Variants in TMEM201 observed in about 807,000 individuals in gnomAD.
The protein encoded by TMEM201 is RP13-15M17.2.
A neutral mutation model predicts 63.4 loss-of-function variants in TMEM201; 26 were observed. That is an observed-to-expected ratio of 0.41 (90% CI 0.30 to 0.57). TMEM201 has a LOEUF of 0.57. Ranked by LOEUF, TMEM201 falls within the 20% of genes least tolerant of loss-of-function variation. TMEM201 has a pLI of 0.29. For missense variants in TMEM201, 794 were observed against 917.7 expected, an observed-to-expected ratio of 0.87 and a Z score of 1.74; for synonymous variants, 417 against 421.6, an observed-to-expected ratio of 0.99 and a Z score of 0.14.
intron 7 of TMEM201, among the ~76,000 whole-genome samples, chr1:9,609,263 G>T (rs1402504248): frequency 6.6e-6 from 1 of 152,244 alleles, no homozygotes; most frequent in Non-Finnish European, 1.5e-5. Flanking sequence ...AGAGCCCACA[G>T]GTGGCAACAG....
Position 9,608,905 on chromosome 1 carries a change from G to T in TMEM201, c.1394-935G>T, listed in dbSNP as rs1239353739. On this transcript the variant is annotated intron_variant, in intron 7 of 10. Transcript: ENST00000340381. This position sits in a 1 kb window ranked among gnomAD's most constrained non-coding sequence, Gnocchi z 4.3. Reference sequence around the variant, plus strand: ...GGACCCCAGTCTCCATTACCAGAGTGGGTCGGGGGGAGGAGCCCGGTCTCC... The same window carrying T: ...GGACCCCAGTCTCCATTACCAGAGTTGGTCGGGGGGAGGAGCCCGGTCTCC... Among the ~76,000 whole-genome samples, 1 of 152,224 alleles carries T rather than the reference G, an allele frequency of 6.6e-6. No homozygotes were observed. Among genetic ancestry groups the T allele is most frequent in the Non-Finnish European group, 1.5e-5 (1 of 68,034 alleles).
intron 5 of TMEM201, 87 bp downstream of exon 5, chr1:9,601,541 G>A: frequency 7.8e-7 from 1 of 1,287,456 alleles, no homozygotes; most frequent in Non-Finnish European, 1.1e-6. Flanking sequence ...AGACCCCATT[G>A]GGTGCACAGC....
Position 9,610,800 on chromosome 1 carries a change from C to T in TMEM201, c.1760C>T (p.Ala587Val), listed in dbSNP as rs1234622293. The T allele has an allele frequency of 2.6e-6, 4 of 1,539,404 alleles. No individual in the cohort carries two copies. Among genetic ancestry groups the T allele is most frequent in the Non-Finnish European group, 1.8e-6 (2 of 1,139,504 alleles). ...RKPPLQDVKH[A>V]LDLRSKLERG... ...CCGCCCCTGCAGGACGTGAAGCACG[C>T]CCTGGGTACGGCCTTCTGACCACCC... The change falls in exon 9 of 11, where the codon GCC (alanine) becomes GTC (valine). Residue 587 changes from alanine to valine, a missense_variant. Physicochemically the swap from Ala to Val is moderately conservative, Grantham distance 64. Transcript: ENST00000340381. The surrounding 1 kb of genome is among the most constrained non-coding windows in gnomAD (Gnocchi z 4.9).
intron 4 of TMEM201, among the ~76,000 whole-genome samples, chr1:9,599,716 G>A (rs1443566145): frequency 6.6e-6 from 1 of 151,948 alleles, no homozygotes; most frequent in Non-Finnish European, 1.5e-5. Flanking sequence ...TCCGCCTCCC[G>A]GGTTCACGCA....
Position 9,613,228 on chromosome 1 carries a change from C to T in TMEM201, c.*145C>T, listed in dbSNP as rs1644349414. 1 of 710,386 alleles carries T rather than the reference C, an allele frequency of 1.4e-6. No homozygotes were observed. Among genetic ancestry groups the T allele is most frequent in the Non-Finnish European group, 2.4e-6 (1 of 423,086 alleles). The allele number at this position is 710,386 out of a possible 1,614,324, so 44.0% of individuals were successfully genotyped here. On this transcript the variant is annotated 3_prime_UTR_variant, in exon 11 of 11. Transcript: ENST00000340381. ...CACTGGACTGTGACTGTCCTCAGGACACCTGCCCCTCCTCACCTAACGGAC... is the reference window on the plus strand; with the variant it reads ...CACTGGACTGTGACTGTCCTCAGGATACCTGCCCCTCCTCACCTAACGGAC...
Position 9,607,820 on chromosome 1 carries a change from C to G in TMEM201, c.1393+31C>G. On this transcript the variant is annotated intron_variant, in intron 7 of 10. Transcript: ENST00000340381. This position sits in a 1 kb window ranked among gnomAD's most constrained non-coding sequence, Gnocchi z 5.4. Reference sequence around the variant, plus strand: ...GGGTGCCCAGGCATTGGCAGACAGTCAGGGCTAGGGGCAGCTGGGACAGAA... The same window carrying G: ...GGGTGCCCAGGCATTGGCAGACAGTGAGGGCTAGGGGCAGCTGGGACAGAA... 3.2e-6 allele frequency: 5 copies of G among 1,543,818 alleles called. No individual in the cohort carries two copies. The highest frequency in any genetic ancestry group is 4.4e-6 in the Non-Finnish European group (5 of 1,141,646).
In TMEM201 at chr1:9,611,169, T is replaced by G. The variant is rs1355443308; in HGVS notation, c.1765+364T>G. 4.0e-6 allele frequency: 3 copies of G among 752,110 alleles called. No individual in the cohort carries two copies. In the African/African-American group the frequency reaches 5.5e-5, roughly 14 times the overall value. The allele number at this position is 752,110 out of a possible 1,614,324, so 46.6% of individuals were successfully genotyped here. ...GCCCCCAGCCTTTAAAACCTACAAC[T>G]TTCAACTTTCACATGAATTTGTAGA... On this transcript the variant is annotated intron_variant, in intron 9 of 10. Coordinates refer to ENST00000340381, the MANE Select transcript of TMEM201 (RefSeq NM_001130924.3).
rs760633259 is a variant in TMEM201 at position 9,602,234 on chromosome 1, A to G, written c.1122A>G (p.Thr374=). 1 of 1,612,488 alleles carries G rather than the reference A, an allele frequency of 6.2e-7. No individual in the cohort carries two copies. Among genetic ancestry groups the G allele is most frequent in the South Asian group, 1.1e-5 (1 of 91,050 alleles). The change falls in exon 6 of 11, where the codon ACA becomes ACG. Residue 374 remains threonine, a synonymous_variant. Coordinates refer to ENST00000340381, the MANE Select transcript of TMEM201 (RefSeq NM_001130924.3). The part of the protein sequence containing the change: ...CLVGFTAAVA[T]RKATGPRRFR... ...TTGGCTTCACGGCGGCTGTGGCCAC[A>G]AGGAAGGCAACGGGCCCACGGAGGT...
At chr1:9,609,725 T>C in intron 7 of TMEM201, 115 bp from the exon 8 acceptor site, 4 of 1,039,498 alleles carry the variant, frequency 3.8e-6, no homozygotes, top group East Asian at 2.7e-5. Context: ...TGTGTTTCCA[T>C]GAAAGCACAT....
chr1:9,589,179 C>T, intron 1 of TMEM201, 136 bp downstream of exon 1: 1 of 184,254 alleles, frequency 5.4e-6, no homozygotes, highest in Non-Finnish European at 1.0e-5. Context: ...GCGCGCGCCG[C>T]CGCCCCCCGA....
At chr1:9,598,691 G>A in intron 4 of TMEM201, 66 bp downstream of exon 4, 1 of 1,528,624 alleles carries the variant, frequency 6.5e-7, no homozygotes, top group Non-Finnish European at 8.9e-7. Context: ...CCTCCCAGGA[G>A]GCTGGGCACT....
At chr1:9,590,410 C>T (rs1160459778) in intron 1 of TMEM201, among the ~76,000 whole-genome samples, 1 of 152,150 alleles carries the variant, frequency 6.6e-6, no homozygotes, top group Admixed American at 6.5e-5. Context: ...GGTGTTGCCT[C>T]AAGGATGAGA....
intron 7 of TMEM201, 88 bp from the exon 8 acceptor site, chr1:9,609,752 C>A: frequency 1.5e-6 from 2 of 1,299,786 alleles, no homozygotes; most frequent in Non-Finnish European, 1.1e-6. Context: ...AGAGCAAAGG[C>A]TGGATTGGGA....
intron 1 of TMEM201, among the ~76,000 whole-genome samples, chr1:9,595,529 T>C (rs1462011940): frequency 1.3e-5 from 2 of 151,978 alleles, no homozygotes; most frequent in Non-Finnish European, 2.9e-5. Flanking sequence ...TTGTGCTCCA[T>C]GTGTGAGCCC....
At chr1:9,609,626 C>T (rs1027744731) in intron 7 of TMEM201, among the ~76,000 whole-genome samples, 7 of 152,294 alleles carry the variant, frequency 4.6e-5, no homozygotes, top group Non-Finnish European at 7.4e-5. Context: ...TGAGCCACTG[C>T]GCCCAGCCCA....
Position 9,596,861 on chromosome 1 carries a change from C to A in TMEM201, c.237C>A (p.Asn79Lys). 1 of 1,584,046 alleles carries A rather than the reference C, an allele frequency of 6.3e-7. No individual in the cohort carries two copies. Among genetic ancestry groups the A allele is most frequent in the Non-Finnish European group, 8.6e-7 (1 of 1,157,546 alleles). ...CGAGTCCCACCTCTCTCCCGCAGAA[C>A]GGCGACTACAACAAGCCGATCCCCG... ...HCEQYNGFQENGDYNKPIPAQ... is the reference protein window; with the variant it reads ...HCEQYNGFQEKGDYNKPIPAQ... Residue 79 changes from asparagine (N) to lysine (K), a missense_variant and splice_region_variant, in exon 3 of 11, where the codon AAC (asparagine) becomes AAA (lysine). Asn to Lys is a moderately conservative substitution (Grantham distance 94). Transcript: ENST00000340381.
At chr1:9,602,420 C>G in intron 6 of TMEM201, 148 bp downstream of exon 6, 1 of 1,464,876 alleles carries the variant, frequency 6.8e-7, no homozygotes, top group South Asian at 1.4e-5. Flanking sequence ...AGGTCCTGGC[C>G]CAGTCCCTCC....
At chr1:9,596,766 C>T in intron 2 of TMEM201, 93 bp from the exon 3 acceptor site, 6 of 1,299,396 alleles carry the variant, frequency 4.6e-6, no homozygotes, top group Non-Finnish European at 6.4e-6. Context: ...TCTACCATCA[C>T]TTGCCTGGAG....
chr1:9,590,099 A>G (rs116527740), intron 1 of TMEM201, among the ~76,000 whole-genome samples: 3,534 of 152,254 alleles, frequency 0.023, 68 homozygotes, highest in Non-Finnish European at 0.037. Context: ...CATGGGAGGG[A>G]CATCAGCTGT....
Sources: gnomAD v4.1 joint callset for allele counts (sites outside exome capture counted in the v4.1 genomes callset) on GRCh38, gnomAD v4.1.1 for gene constraint, Gnocchi (gnomAD v3.1) non-coding constraint, MANE v1.5 for transcripts, NCBI Gene and HGNC (gene_info 2026-07-23, HGNC 2026-07-21) for gene names.